The following ACKR3 variants were observed in gnomAD, a reference collection of about 807,000 sequenced individuals.
The protein encoded by ACKR3 is C-X-C chemokine receptor type 7.
Under a neutral mutation model 22.4 loss-of-function variants are expected in ACKR3, and 6 were observed. That is an observed-to-expected ratio of 0.27 (90% CI 0.15 to 0.53). ACKR3 has a LOEUF of 0.53. Among genes scored for constraint, ACKR3 ranks in the 20% least tolerant of loss-of-function variants. ACKR3 has a pLI of 0.96. For synonymous variants in ACKR3, 209 were observed against 205.2 expected (o/e 1.02, Z -0.16); for missense variants, 396 against 475.2 (o/e 0.83, Z 1.55).
At chr2:236,556,679 ATC>A in the ACKR3 span, among the ~76,000 whole-genome samples, 1 of 152,182 alleles carries the variant, frequency 6.6e-6, no homozygotes, top group Non-Finnish European at 1.5e-5. Context: ...AAGGTAATAC[ATC>A]TGTCTTTTTG....
chr2:236,551,374 G>T, the ACKR3 span, among the ~76,000 whole-genome samples: 234 of 152,312 alleles, frequency 1.5e-3, no homozygotes, highest in Non-Finnish European at 5.9e-4. Context: ...GTCCAGCCTT[G>T]TGGCTGCAGG....
At chr2:236,556,729 C>A in the ACKR3 span, among the ~76,000 whole-genome samples, 1 of 152,182 alleles carries the variant, frequency 6.6e-6, no homozygotes, top group Non-Finnish European at 1.5e-5. Flanking sequence ...CACTCTGTTG[C>A]CCAGGCTGGA....
the ACKR3 span, among the ~76,000 whole-genome samples, chr2:236,559,214 T>C: frequency 6.6e-6 from 1 of 152,342 alleles, no homozygotes; most frequent in Non-Finnish European, 1.5e-5. Flanking sequence ...GAGAAAGTAA[T>C]GCTTCACTCA....
the ACKR3 span, among the ~76,000 whole-genome samples, chr2:236,555,976 T>C: frequency 1.3e-5 from 2 of 152,216 alleles, no homozygotes; most frequent in African/African-American, 4.8e-5. Context: ...CCTCCCCATG[T>C]CTTCCCTTTC....
At chr2:236,546,063 C>G in the ACKR3 span, among the ~76,000 whole-genome samples, 1 of 152,204 alleles carries the variant, frequency 6.6e-6, no homozygotes, top group Non-Finnish European at 1.5e-5. This position sits in a 1 kb window ranked among gnomAD's most constrained non-coding sequence, Gnocchi z 4.9. Context: ...GGAGAAAATA[C>G]AGGACCACGT....
chr2:236,537,915 T>C, the ACKR3 span, among the ~76,000 whole-genome samples: 1 of 149,050 alleles, frequency 6.7e-6, no homozygotes, highest in African/African-American at 2.6e-5. Flanking sequence ...GTGCTTCTAT[T>C]AGGCAATCAG....
chr2:236,575,480 G>A (rs1195905305), intron 1 of ACKR3, among the ~76,000 whole-genome samples: 3 of 141,408 alleles, frequency 2.1e-5, no homozygotes, highest in Admixed American at 1.4e-4. Context: ...GTGTGTGCGT[G>A]TGTCTGGGGT....
chr2:236,563,050 T>C (rs1313541692), upstream of ACKR3, among the ~76,000 whole-genome samples: 1 of 152,178 alleles, frequency 6.6e-6, no homozygotes, highest in Non-Finnish European at 1.5e-5. Flanking sequence ...ACTAAGGAAG[T>C]TGCCCAGCCT....
chr2:236,545,859 A>G, the ACKR3 span, among the ~76,000 whole-genome samples: 1 of 152,230 alleles, frequency 6.6e-6, no homozygotes, highest in Non-Finnish European at 1.5e-5. This position sits in a 1 kb window ranked among gnomAD's most constrained non-coding sequence, Gnocchi z 5.3. Flanking sequence ...GGTTTAGTGT[A>G]TCATTGTTGA....
chr2:236,582,286 T>A lies in ACKR3; in HGVS notation c.*732T>A, dbSNP rs1013086071. On this transcript the variant is annotated 3_prime_UTR_variant, in exon 2 of 2. Transcript: ENST00000272928. ...GCAAATCTGCACACACAACGAACAG[T>A]TGCATTTCAGAGAGTTCTCTCAATT... 6.0e-6 allele frequency: 1 copy of A among 167,014 alleles called. No homozygotes were observed. The highest frequency in any genetic ancestry group is 6.5e-5 in the Admixed American group (1 of 15,276). 10.3% of individuals were successfully genotyped at this position (167,014 alleles called of 1,614,324 possible).
chr2:236,572,554 C>T (rs1691331548), intron 1 of ACKR3, among the ~76,000 whole-genome samples: 1 of 152,220 alleles, frequency 6.6e-6, no homozygotes, highest in Non-Finnish European at 1.5e-5. Context: ...CAGTGTCCTC[C>T]TGGGAACCCC....
chr2:236,578,990 T>C (rs1189980373), intron 1 of ACKR3, among the ~76,000 whole-genome samples: 1 of 152,220 alleles, frequency 6.6e-6, no homozygotes, highest in Non-Finnish European at 1.5e-5. Flanking sequence ...ATTAGGCCCT[T>C]TCTTCTTTCT....
At chr2:236,561,068 C>T in the ACKR3 span, among the ~76,000 whole-genome samples, 184 of 152,262 alleles carry the variant, frequency 1.2e-3, 2 homozygotes, top group East Asian at 0.025. Flanking sequence ...GACAAATACT[C>T]CATGATTCCA....
upstream of ACKR3, among the ~76,000 whole-genome samples, chr2:236,568,516 C>A (rs1691237142): frequency 6.6e-6 from 1 of 152,186 alleles, no homozygotes; most frequent in Non-Finnish European, 1.5e-5. Context: ...GATTGCGCCG[C>A]CCTGCAGAGG....
chr2:236,554,599 T>C, the ACKR3 span, among the ~76,000 whole-genome samples: 1 of 152,248 alleles, frequency 6.6e-6, no homozygotes, highest in East Asian at 1.9e-4. Context: ...CAGAAACCTG[T>C]CCTCTTGGGC....
At chr2:236,545,094 G>A in the ACKR3 span, among the ~76,000 whole-genome samples, 2 of 152,162 alleles carry the variant, frequency 1.3e-5, no homozygotes, top group Non-Finnish European at 2.9e-5. This position sits in a 1 kb window ranked among gnomAD's most constrained non-coding sequence, Gnocchi z 5.3. Flanking sequence ...GTTCACTATA[G>A]TCACTCAGGG....
At position 236,581,715 on chromosome 2, in the gene ACKR3, T is replaced by C. The variant is rs1038895869; in HGVS notation, c.*161T>C. The C allele has an allele frequency of 3.2e-6, 3 of 932,434 alleles. No homozygotes were observed. The African/African-American group carries it at 5.0e-5, about 16-fold the overall frequency. 57.8% of individuals were successfully genotyped at this position (932,434 alleles called of 1,614,324 possible). A position where few individuals can be genotyped will look rare whatever the true frequency, so the allele number is the denominator to read the frequency against. On this transcript the variant is annotated 3_prime_UTR_variant, in exon 2 of 2. Transcript: ENST00000272928. The surrounding 1 kb of genome is among the most constrained non-coding windows in gnomAD (Gnocchi z 4.4). ...TGCATCCATTCTCTCTTTCTCTTGA[T>C]GACGCAGCTGTCATTTGGCTGTGCG...
chr2:236,558,928 C>A, the ACKR3 span, among the ~76,000 whole-genome samples: 1 of 152,162 alleles, frequency 6.6e-6, no homozygotes, highest in Admixed American at 6.5e-5. Flanking sequence ...GATATTTATT[C>A]TTTAATTCCC....
intron 1 of ACKR3, among the ~76,000 whole-genome samples, 171 bp downstream of exon 1, chr2:236,570,095 T>G (rs1464383344): frequency 6.6e-6 from 1 of 152,244 alleles, no homozygotes; most frequent in African/African-American, 2.4e-5. Context: ...CATTGCAAAG[T>G]GCTTTTGCTA....
Sources: allele counts gnomAD v4.1 joint callset (sites outside exome capture counted in the v4.1 genomes callset), GRCh38; gene constraint gnomAD v4.1.1; non-coding constraint Gnocchi (gnomAD v3.1); transcripts MANE v1.5; gene names NCBI Gene and HGNC (gene_info 2026-07-23, HGNC 2026-07-21).